The following ATRN variants were observed in gnomAD, a reference collection of about 807,000 sequenced individuals.
The protein encoded by ATRN is attractin-2.
In ATRN, 54 loss-of-function variants were observed where a neutral mutation model predicts 178.7. The observed-to-expected ratio is 0.30, with a 90% CI of 0.24 to 0.38. ATRN has a LOEUF of 0.38. ATRN is among the 10% of genes least tolerant of loss of function. The pLI is 1.00. For synonymous variants in ATRN, 636 were observed against 663.0 expected (o/e 0.96, Z 0.63); for missense variants, 1,443 against 1,815.1 (o/e 0.79, Z 3.73).
rs547754266 is a variant in ATRN, at chr20:3,646,917, C to T, written c.*70C>T. On this transcript the variant is annotated 3_prime_UTR_variant, in exon 29 of 29. Transcript: ENST00000262919. Reference sequence around the variant, plus strand: ...CACCAGAGCCATCTGCAGGGAAGGGCGTGGCGGGGAAATGGCTGTGCGGTG... The same window carrying T: ...CACCAGAGCCATCTGCAGGGAAGGGTGTGGCGGGGAAATGGCTGTGCGGTG... 9.6e-5 allele frequency: 151 copies of T among 1,578,214 alleles called. 1 individual carries two copies. The East Asian group carries it at 1.9e-3, about 20-fold the overall frequency.
intron 1 of ATRN, among the ~76,000 whole-genome samples, chr20:3,492,862 CGCGCGT>C (rs1438497104): frequency 5.7e-4 from 70 of 123,286 alleles, no homozygotes; most frequent in African/African-American, 2.1e-3. Flanking sequence ...GAGGCGCGCG[CGCGCGT>C]GCGCACGCAC....
chr20:3,527,229 A>G (rs1313877585), intron 1 of ATRN, among the ~76,000 whole-genome samples: 3 of 152,166 alleles, frequency 2.0e-5, no homozygotes, highest in African/African-American at 7.2e-5. Context: ...AATTTACAAG[A>G]AAAAAAGCAA....
intron 1 of ATRN, among the ~76,000 whole-genome samples, chr20:3,503,254 A>G (rs1011510262): frequency 1.4e-4 from 21 of 152,246 alleles, no homozygotes; most frequent in Admixed American, 1.4e-3. Context: ...CTAACTGTTA[A>G]AAGATTTAAT....
intron 1 of ATRN, among the ~76,000 whole-genome samples, chr20:3,510,398 A>G (rs1402004278): frequency 6.6e-6 from 1 of 152,270 alleles, no homozygotes; most frequent in East Asian, 1.9e-4. Context: ...AGTATGTGAA[A>G]GGATACAGCT....
At chr20:3,617,363 G>C (rs1487929696) in intron 24 of ATRN, among the ~76,000 whole-genome samples, 1 of 152,144 alleles carries the variant, frequency 6.6e-6, no homozygotes, top group East Asian at 1.9e-4. Flanking sequence ...GAAATGATTG[G>C]GTCTGGGGAA....
chr20:3,582,306 G>T lies in ATRN; in HGVS notation c.2716G>T (p.Ala906Ser). 3.1e-6 allele frequency: 5 copies of T among 1,612,464 alleles called. No individual in the cohort carries two copies. The highest frequency in any genetic ancestry group is 4.2e-6 in the Non-Finnish European group (5 of 1,180,026). The change falls in exon 16 of 29, where the codon GCT becomes TCT. Residue 906 changes from alanine (A) to serine (S), a missense_variant. Coordinates refer to ENST00000262919, the MANE Select transcript of ATRN (RefSeq NM_139321.3). ...AGAACCCAGTACTCGGGGACTGAAG[G>T]CTGCAACCTGCATCAACCCACTCAA... ...LSEPSTRGLK[A>S]ATCINPLNGS...
At chr20:3,641,590 C>CAAAAAAAAAAAAAAAAAAAAAAAAAA (rs61692220) in intron 27 of ATRN, among the ~76,000 whole-genome samples, 1 of 47,822 alleles carries the variant, frequency 2.1e-5, no homozygotes, top group Non-Finnish European at 3.4e-5. Flanking sequence ...GACTCTGTCG[C>CAAAAAAAAAAAAAAAAAAAAAAAAAA]AAAAAAAAAA....
rs1445687549 is a variant in ATRN at position 3,578,766 on chromosome 20, G to C, written c.2538G>C (p.Gln846His). ...LKQLRIMQSS[Q>H]SMSKLTLTPW... ...AGCTGCGAATAATGCAGTCATCTCA[G>C]AGCATGGTGAGTTAAAATCCTCAAA... Residue 846 changes from glutamine (Q) to histidine (H), a missense_variant, in exon 15 of 29, where the codon CAG (glutamine) becomes CAC (histidine). Physicochemically the swap from Gln to His is conservative, Grantham distance 24 (BLOSUM62 0). Transcript: ENST00000262919. 1 of 1,608,854 alleles carries C rather than the reference G, an allele frequency of 6.2e-7. No homozygotes were observed. Among genetic ancestry groups the C allele is most frequent in the Admixed American group, 1.7e-5 (1 of 59,030 alleles).
In ATRN at chr20:3,552,519, C is replaced by T. The variant is rs235593; in HGVS notation, c.1112+3181C>T. ...TGTGACTTCTTGTTTCTTCACACCC[C>T]GTATTGGTATATTTATGAGTTATCT... On this transcript the variant is annotated intron_variant, in intron 6 of 28. Transcript: ENST00000262919. Among the ~76,000 whole-genome samples the T allele has an allele frequency of 6.0e-3, 914 of 152,258 alleles. 14 individuals are homozygous for T. Among genetic ancestry groups the T allele is most frequent in the African/African-American group, 0.021 (853 of 41,520 alleles).
chr20:3,555,271 G>A (rs999119607), intron 6 of ATRN, among the ~76,000 whole-genome samples: 1 of 151,890 alleles, frequency 6.6e-6, no homozygotes, highest in African/African-American at 2.4e-5. Flanking sequence ...CCAAAGTGCT[G>A]GGATTACAGG....
intron 24 of ATRN, among the ~76,000 whole-genome samples, chr20:3,623,103 A>C (rs926932473): frequency 6.6e-6 from 1 of 152,210 alleles, no homozygotes; most frequent in Admixed American, 6.5e-5. Flanking sequence ...GTGGACTCTA[A>C]TCTGTTTCCT....
chr20:3,572,310 G>T (rs188280175), intron 11 of ATRN, among the ~76,000 whole-genome samples: 2 of 152,254 alleles, frequency 1.3e-5, no homozygotes, highest in Non-Finnish European at 2.9e-5. Flanking sequence ...AGTGACTCAT[G>T]GTTAAAAGTC....
At chr20:3,561,956 C>T (rs2085958351) in intron 8 of ATRN, among the ~76,000 whole-genome samples, 1 of 152,076 alleles carries the variant, frequency 6.6e-6, no homozygotes, top group African/African-American at 2.4e-5. Flanking sequence ...ACATAGCAGG[C>T]CTCAAGTGAT....
At chr20:3,505,320 T>C (rs147333139) in intron 1 of ATRN, among the ~76,000 whole-genome samples, 152 of 152,334 alleles carry the variant, frequency 1.0e-3, no homozygotes, top group African/African-American at 3.3e-3. Context: ...ACGAGCAGTC[T>C]CCCAGGTTCT....
intron 1 of ATRN, among the ~76,000 whole-genome samples, chr20:3,530,204 C>T (rs1007884410): frequency 4.1e-5 from 6 of 147,444 alleles, no homozygotes; most frequent in Non-Finnish European, 8.9e-5. Context: ...GTAGAGCAGG[C>T]ATGGTATGAG....
intron 18 of ATRN, among the ~76,000 whole-genome samples, chr20:3,586,390 GT>G (rs1337932340): frequency 1.3e-5 from 2 of 151,914 alleles, no homozygotes; most frequent in Admixed American, 1.3e-4. Flanking sequence ...GAAAGTAGAT[GT>G]TTAGTGGTTT....
chr20:3,621,638 T>C (rs2086897899), intron 24 of ATRN, among the ~76,000 whole-genome samples: 1 of 152,166 alleles, frequency 6.6e-6, no homozygotes, highest in African/African-American at 2.4e-5. Context: ...TGTATTAAAA[T>C]AGATTTTTAT....
At chr20:3,616,385 T>G (rs2086847230) in intron 24 of ATRN, among the ~76,000 whole-genome samples, 1 of 151,928 alleles carries the variant, frequency 6.6e-6, no homozygotes, top group African/African-American at 2.4e-5. Context: ...GTTGGAGGTG[T>G]GCCCATGCAT....
chr20:3,501,896 G>T (rs2084969803), intron 1 of ATRN, among the ~76,000 whole-genome samples: 1 of 152,110 alleles, frequency 6.6e-6, no homozygotes, highest in Non-Finnish European at 1.5e-5. Flanking sequence ...AAATACCTCA[G>T]GCTTTTAGTT....
Sources: allele counts gnomAD v4.1 joint callset (sites outside exome capture counted in the v4.1 genomes callset), GRCh38; gene constraint gnomAD v4.1.1; transcripts MANE v1.5; gene names NCBI Gene and HGNC (gene_info 2026-07-23, HGNC 2026-07-21).